Variants in ABLIM1 observed in about 807,000 individuals in gnomAD.
ABLIM1 encodes the protein actin binding LIM protein 1.
In ABLIM1, 40 loss-of-function variants were observed where a neutral mutation model predicts 107.0. The ratio of observed to expected loss-of-function variants is 0.37; its 90% CI spans 0.29 to 0.49. ABLIM1 has a LOEUF of 0.49. ABLIM1 is among the 20% of genes least tolerant of loss of function. ABLIM1 has a pLI of 0.97. For synonymous variants in ABLIM1, 357 were observed against 357.3 expected (o/e 1.00, Z 0.01); for missense variants, 857 against 1,008.5 (o/e 0.85, Z 2.04).
At chr10:114,634,887 G>A (rs536132130) in intron 1 of ABLIM1, among the ~76,000 whole-genome samples, 19 of 152,230 alleles carry the variant, frequency 1.2e-4, no homozygotes, top group Non-Finnish European at 1.8e-4. Context: ...ATGTGGGAGA[G>A]TAAAACAAAT....
intron 16 of ABLIM1, among the ~76,000 whole-genome samples, chr10:114,444,709 T>C (rs1230932992): frequency 1.3e-5 from 2 of 152,164 alleles, no homozygotes; most frequent in Non-Finnish European, 2.9e-5. Context: ...TAATATCACG[T>C]GCATTTCCTA....
At chr10:114,524,492 G>T (rs2064309081) in intron 6 of ABLIM1, among the ~76,000 whole-genome samples, 2 of 151,540 alleles carry the variant, frequency 1.3e-5, no homozygotes, top group Admixed American at 6.6e-5. Context: ...AAAGAAAAAA[G>T]AAATGAAAGC....
At chr10:114,611,272 G>C (rs1051781603) in intron 1 of ABLIM1, among the ~76,000 whole-genome samples, 1 of 152,164 alleles carries the variant, frequency 6.6e-6, no homozygotes, top group South Asian at 2.1e-4. Flanking sequence ...TCCGAGAACA[G>C]CCTGGCCAAC....
chr10:114,455,622 G>T (rs989418774), intron 12 of ABLIM1, among the ~76,000 whole-genome samples: 1 of 152,150 alleles, frequency 6.6e-6, no homozygotes, highest in Non-Finnish European at 1.5e-5. Flanking sequence ...CTGGCCAGGA[G>T]TAAGTGCTTA....
intron 1 of ABLIM1, among the ~76,000 whole-genome samples, chr10:114,683,831 G>A (rs1041359808): frequency 1.3e-5 from 2 of 152,102 alleles, no homozygotes; most frequent in African/African-American, 4.8e-5. Context: ...AGGACCAGCC[G>A]GGGCACTCCT....
intron 2 of ABLIM1, 167 bp downstream of exon 2, chr10:114,601,660 G>T: frequency 8.9e-7 from 1 of 1,120,844 alleles, no homozygotes; most frequent in Non-Finnish European, 1.4e-6. Context: ...ACTCGTTCTC[G>T]CCCTAGAGTC....
the ABLIM1 span, among the ~76,000 whole-genome samples, chr10:114,785,878 G>A: frequency 0.14 from 21,679 of 152,040 alleles, 2,034 homozygotes; most frequent in East Asian, 0.45. Flanking sequence ...ACAGGTGCAT[G>A]CCACCACACC....
chr10:114,704,302 C>CTCTCTCTCTCTATATATATATATA (rs1380460034), intron 1 of ABLIM1, among the ~76,000 whole-genome samples: 4 of 43,088 alleles, frequency 9.3e-5, no homozygotes, highest in African/African-American at 1.7e-4. Flanking sequence ...CTCTCTCTCT[C>CTCTCTCTCTCTATATATATATATA]TATATATATA....
At chr10:114,787,610 C>T in the ABLIM1 span, among the ~76,000 whole-genome samples, 1,738 of 146,498 alleles carry the variant, frequency 0.012, 37 homozygotes, top group African/African-American at 0.041. Flanking sequence ...GGCCAGCCGC[C>T]CCGTCCGGGA....
intron 1 of ABLIM1, among the ~76,000 whole-genome samples, chr10:114,636,658 T>C (rs2078495073): frequency 6.6e-6 from 1 of 152,190 alleles, no homozygotes; most frequent in African/African-American, 2.4e-5. Flanking sequence ...ATCCCTTCTA[T>C]TGTAATGGCT....
rs544160820 is a variant in ABLIM1 at position 114,549,895 on chromosome 10, T to C, written c.674-2119A>G. 2.2e-3 allele frequency among the ~76,000 whole-genome samples: 328 copies of C among 152,266 alleles called. 2 individuals are homozygous for C. The highest frequency in any genetic ancestry group is 3.9e-3 in the Admixed American group (60 of 15,288). On this transcript the variant is annotated intron_variant, in intron 4 of 22. Transcript: ENST00000533213. ...CATAAGCTCATTCATAAAAAAGTAG[T>C]AAAGAAAATGGTGTGTGTGTCCTAG...
At chr10:114,671,561 G>T (rs991651649) in intron 1 of ABLIM1, among the ~76,000 whole-genome samples, 1 of 152,174 alleles carries the variant, frequency 6.6e-6, no homozygotes, top group East Asian at 1.9e-4. Context: ...AAAGTGAGTT[G>T]TTCAGTTTAT....
intron 8 of ABLIM1, among the ~76,000 whole-genome samples, chr10:114,474,333 C>T (rs2067150070): frequency 1.3e-5 from 2 of 152,026 alleles, no homozygotes; most frequent in Non-Finnish European, 2.9e-5. Context: ...TCTGCCTTCT[C>T]CCCTCCCTTC....
intron 2 of ABLIM1, among the ~76,000 whole-genome samples, chr10:114,591,342 T>C (rs984197658): frequency 3.9e-5 from 6 of 152,164 alleles, no homozygotes; most frequent in African/African-American, 1.4e-4. Flanking sequence ...AAAATCAGTT[T>C]ATGTTTATTA....
At chr10:114,612,834 G>A (rs1386630359) in intron 1 of ABLIM1, among the ~76,000 whole-genome samples, 2 of 152,060 alleles carry the variant, frequency 1.3e-5, no homozygotes, top group Non-Finnish European at 2.9e-5. Flanking sequence ...TAAGAGAGAG[G>A]GTCAGAGTCT....
intron 1 of ABLIM1, among the ~76,000 whole-genome samples, chr10:114,722,320 G>A (rs1168770719): frequency 6.6e-6 from 1 of 152,122 alleles, no homozygotes; most frequent in Non-Finnish European, 1.5e-5. Flanking sequence ...AGGGGGAGGT[G>A]CTGCACACTT....
chr10:114,609,874 G>A (rs2076689992), intron 1 of ABLIM1, among the ~76,000 whole-genome samples: 1 of 152,190 alleles, frequency 6.6e-6, no homozygotes, highest in South Asian at 2.1e-4. Context: ...CCGTAGGAGG[G>A]ACTGTTGCAC....
At chr10:114,464,400 G>A (rs11196749) in intron 12 of ABLIM1, among the ~76,000 whole-genome samples, 2 of 151,756 alleles carry the variant, frequency 1.3e-5, no homozygotes, top group African/African-American at 4.8e-5. Flanking sequence ...TGGTCAGGCT[G>A]GTCTTGAACT....
intron 3 of ABLIM1, among the ~76,000 whole-genome samples, chr10:114,571,640 A>C (rs868014702): frequency 6.6e-6 from 1 of 152,216 alleles, no homozygotes; most frequent in Admixed American, 6.5e-5. Context: ...CCAGGTAGTA[A>C]AATGGAATGA....
Sources: allele counts gnomAD v4.1 joint callset (sites outside exome capture counted in the v4.1 genomes callset), GRCh38; gene constraint gnomAD v4.1.1; transcripts MANE v1.5; gene names NCBI Gene and HGNC (gene_info 2026-07-23, HGNC 2026-07-21).